NT5C2: variants seen among roughly 807,000 people sequenced by gnomAD.
The protein encoded by NT5C2 is cytosolic purine 5'-nucleotidase.
In NT5C2, 58 loss-of-function variants were observed where a neutral mutation model predicts 76.1. That is an observed-to-expected ratio of 0.76 (90% CI 0.62 to 0.95). The LOEUF is 0.95. NT5C2 is among the 40% of genes least tolerant of loss of function. NT5C2 has a pLI of 0.00. For missense variants in NT5C2, 478 were observed against 690.3 expected, an observed-to-expected ratio of 0.69 and a Z score of 3.45; for synonymous variants, 229 against 237.4, an observed-to-expected ratio of 0.96 and a Z score of 0.32.
intron 4 of NT5C2, among the ~76,000 whole-genome samples, chr10:103,128,043 G>GCC (rs1591182337): frequency 8.1e-6 from 1 of 123,216 alleles, no homozygotes; most frequent in African/African-American, 3.0e-5. Context: ...AAATGATCCG[G>GCC]TCTCTCCCTC....
At chr10:103,134,500 C>T (rs1397623782) in intron 4 of NT5C2, among the ~76,000 whole-genome samples, 1 of 152,190 alleles carries the variant, frequency 6.6e-6, no homozygotes, top group Non-Finnish European at 1.5e-5. Context: ...GGAACCTCCA[C>T]CTATATTTCA....
At chr10:103,188,727 C>T (rs548001588) in intron 1 of NT5C2, among the ~76,000 whole-genome samples, 2 of 152,082 alleles carry the variant, frequency 1.3e-5, no homozygotes, top group Admixed American at 6.6e-5. Flanking sequence ...TTGGGCTGGG[C>T]GCAGTGGCTT....
intron 1 of NT5C2, among the ~76,000 whole-genome samples, chr10:103,190,001 T>TC (rs1018670366): frequency 2.9e-5 from 4 of 137,040 alleles, no homozygotes; most frequent in African/African-American, 1.1e-4. Flanking sequence ...GGCTTTCTTT[T>TC]TTTTTTTTTT....
At chr10:103,163,966 TG>T (rs1301747615) in intron 3 of NT5C2, among the ~76,000 whole-genome samples, 2 of 151,396 alleles carry the variant, frequency 1.3e-5, no homozygotes, top group African/African-American at 4.9e-5. Context: ...CAGCCAGGCA[TG>T]GTGACTCACG....
intron 1 of NT5C2, among the ~76,000 whole-genome samples, chr10:103,187,625 T>C (rs745773919): frequency 2.6e-5 from 4 of 151,642 alleles, no homozygotes; most frequent in Non-Finnish European, 4.4e-5. Flanking sequence ...CACAGCATGA[T>C]ACTGTTAAAT....
intron 3 of NT5C2, among the ~76,000 whole-genome samples, chr10:103,149,349 G>A (rs2082031336): frequency 6.6e-6 from 1 of 152,084 alleles, no homozygotes; most frequent in South Asian, 2.1e-4. Flanking sequence ...ACTTTAAGGA[G>A]ATTCATCAAA....
intron 11 of NT5C2, among the ~76,000 whole-genome samples, chr10:103,096,457 A>ATT (rs1459631381): frequency 1.3e-5 from 2 of 152,180 alleles, no homozygotes; most frequent in Non-Finnish European, 2.9e-5. Context: ...AGTACTATAA[A>ATT]TTTTTAAGTG....
In NT5C2 at chr10:103,175,375, T is replaced by C. The variant is rs374690345; in HGVS notation, c.-24-393A>G. On this transcript the variant is annotated intron_variant, in intron 2 of 18. Transcript: ENST00000404739. ...AAATTTTAAATTCTAATCAACAGAT[T>C]CTGGTGTGGAGTAGAACAGTAGCAG... 9.2e-5 allele frequency among the ~76,000 whole-genome samples: 14 copies of C among 152,272 alleles called. No homozygotes were observed. In the East Asian group the frequency reaches 1.7e-3, roughly 19 times the overall value.
intron 4 of NT5C2, among the ~76,000 whole-genome samples, chr10:103,126,747 G>A (rs950385526): frequency 3.9e-5 from 6 of 152,330 alleles, no homozygotes; most frequent in Middle Eastern, 3.4e-3. Context: ...GTACTCGACA[G>A]ACAAACTACA....
chr10:103,183,635 C>T (rs1315731097), intron 1 of NT5C2, among the ~76,000 whole-genome samples: 2 of 146,528 alleles, frequency 1.4e-5, no homozygotes, highest in Non-Finnish European at 3.0e-5. Context: ...TATATATATA[C>T]ATATACATAC....
chr10:103,187,317 G>A (rs955524930), intron 1 of NT5C2, among the ~76,000 whole-genome samples: 6 of 151,848 alleles, frequency 4.0e-5, no homozygotes, highest in East Asian at 1.9e-4. Context: ...AGGCTGAGGC[G>A]GGTAGATTAC....
In NT5C2 at chr10:103,097,273, T is replaced by A. The variant is rs77348825; in HGVS notation, c.771+18A>T. On this transcript the variant is annotated intron_variant, in intron 11 of 18. Transcript: ENST00000404739. ...AATAATTCCACTGCATAAATAAATA[T>A]ACACATGAAGCACTTACATCTGTAT... The A allele has an allele frequency of 5.6e-5, 88 of 1,562,030 alleles. No homozygotes were observed. The East Asian group carries it at 2.0e-3, about 35-fold the overall frequency.
chr10:103,103,757 C>G (rs1275074400), intron 6 of NT5C2, among the ~76,000 whole-genome samples: 1 of 152,158 alleles, frequency 6.6e-6, no homozygotes, highest in Non-Finnish European at 1.5e-5. Context: ...TGATGGAGTC[C>G]TTCTTTTCCA....
At chr10:103,134,547 G>T (rs1258870347) in intron 4 of NT5C2, among the ~76,000 whole-genome samples, 3 of 152,252 alleles carry the variant, frequency 2.0e-5, no homozygotes. Context: ...CCAGGCAGAA[G>T]TTTGCTGCCA....
At chr10:103,170,091 C>T (rs375410409) in intron 3 of NT5C2, among the ~76,000 whole-genome samples, 1 of 152,150 alleles carries the variant, frequency 6.6e-6, no homozygotes, top group Non-Finnish European at 1.5e-5. Flanking sequence ...CATGCCACTG[C>T]ACCCCAACCT....
At chr10:103,179,526 A>G (rs10786742) in intron 2 of NT5C2, among the ~76,000 whole-genome samples, 47,849 of 151,902 alleles carry the variant, frequency 0.31, 7,611 homozygotes, top group Middle Eastern at 0.36. Context: ...ACAGGTGCAC[A>G]CCACCATGCC....
In NT5C2 at chr10:103,105,745, T is replaced by C. The variant is rs780137833; in HGVS notation, c.350A>G (p.Asn117Ser). Residue 117 changes from asparagine (N) to serine (S), a missense_variant, in exon 6 of 19, where the codon AAC (asparagine) becomes AGC (serine). Asn to Ser is a conservative substitution (Grantham distance 46, BLOSUM62 1). Transcript: ENST00000404739. ...AAATCCATGTGCACAGACCAAGAGG[T>C]TTCCATAGGCATCGACTTTCAAAAG... is the stretch of plus-strand genomic sequence containing the variant. ...GNLLKVDAYG[N>S]LLVCAHGFNF... 2 of 1,613,082 alleles carry C rather than the reference T, an allele frequency of 1.2e-6. No homozygotes were observed. The highest frequency in any genetic ancestry group is 1.7e-6 in the Non-Finnish European group (2 of 1,179,474).
chr10:103,152,972 AACC>A, intron 3 of NT5C2, among the ~76,000 whole-genome samples: 1 of 152,208 alleles, frequency 6.6e-6, no homozygotes, highest in East Asian at 1.9e-4. Flanking sequence ...TTCTTCGGTA[AACC>A]ACCGTTTGCT....
chr10:103,089,942 G>A, intron 18 of NT5C2, 34 bp from the exon 19 acceptor site: 1 of 1,546,448 alleles, frequency 6.5e-7, no homozygotes, highest in Non-Finnish European at 8.7e-7. Flanking sequence ...TCAGAAAGCA[G>A]GCAGAGCAAA....
Sources: allele counts gnomAD v4.1 joint callset (sites outside exome capture counted in the v4.1 genomes callset), GRCh38; gene constraint gnomAD v4.1.1; transcripts MANE v1.5; gene names NCBI Gene and HGNC (gene_info 2026-07-23, HGNC 2026-07-21).